CHIC2: variants seen among roughly 807,000 people sequenced by gnomAD.
CHIC2 encodes the protein cysteine rich hydrophobic domain 2, also known as cysteine-rich hydrophobic domain-containing protein 2.
In CHIC2, 14 loss-of-function variants were observed where a neutral mutation model predicts 25.9. The observed-to-expected ratio is 0.54, with a 90% CI of 0.36 to 0.85. CHIC2 has a LOEUF of 0.85. Among genes scored for constraint, CHIC2 ranks in the 40% least tolerant of loss-of-function variants. The probability of loss-of-function intolerance (pLI) is 0.01; values close to 1 mark genes in which losing one functional copy is unlikely to be tolerated. For missense variants in CHIC2, 146 were observed against 202.0 expected (o/e 0.72, Z 1.68); for synonymous variants, 70 against 72.0 (o/e 0.97, Z 0.14).
rs921544353 is a variant in CHIC2, at chr4:54,053,724, G to GT, written c.120-4420dup. Among the ~76,000 whole-genome samples, 9 of 151,208 alleles carry GT rather than the reference G, an allele frequency of 6.0e-5. No individual in the cohort carries two copies. The East Asian group carries it at 9.7e-4, about 16-fold the overall frequency. On this transcript the variant is annotated intron_variant, in intron 1 of 5. Transcript: ENST00000263921. ...GTATTAAAGACATTTTGTGTCATTT[G>GT]TTTTTTTTTAAATAAGAGCTATTTT...
At chr4:54,032,799 T>C (rs2110072545) in intron 3 of CHIC2, among the ~76,000 whole-genome samples, 1 of 152,330 alleles carries the variant, frequency 6.6e-6, no homozygotes, top group Admixed American at 6.5e-5. Flanking sequence ...GTAGGATAGA[T>C]TCTGCTCTGC....
At chr4:54,087,739 G>T in the CHIC2 span, 1 of 507,354 alleles carries the variant, frequency 2.0e-6, no homozygotes, top group East Asian at 3.2e-5. Context: ...TTTTACTGGC[G>T]GTGATTACAA....
Position 54,037,935 on chromosome 4 carries a change from AAAAG to A in CHIC2, c.330+11016_330+11019del, listed in dbSNP as rs201742082. On this transcript the variant is annotated intron_variant, in intron 3 of 5. Transcript: ENST00000263921. Reference sequence around the variant, plus strand: ...GAGCATTAAATGCTTATACAAGAAAAAAAGAAAAGACAAATCAATGACTTCTACC... The same window carrying A: ...GAGCATTAAATGCTTATACAAGAAAAAAAAGACAAATCAATGACTTCTACC... Among the ~76,000 whole-genome samples, 754 of 152,226 alleles carry A rather than the reference AAAAG, an allele frequency of 5.0e-3. 4 individuals carry two copies. Among genetic ancestry groups the A allele is most frequent in the African/African-American group, 0.017 (726 of 41,558 alleles).
chr4:54,020,693 ACCCTTCAATCTCCCTG>A (rs1715870869), intron 3 of CHIC2, among the ~76,000 whole-genome samples: 1 of 152,056 alleles, frequency 6.6e-6, no homozygotes, highest in African/African-American at 2.4e-5. Flanking sequence ...CTCTCTCGCT[ACCCTTCAATCTCCCTG>A]CCCTTCCAAT....
chr4:54,079,014 C>G, the CHIC2 span, among the ~76,000 whole-genome samples: 2 of 150,724 alleles, frequency 1.3e-5, no homozygotes, highest in Non-Finnish European at 3.0e-5. Flanking sequence ...GTCAGGAGTT[C>G]GAGACCAGCC....
chr4:54,055,080 G>A (rs758436276), intron 1 of CHIC2, among the ~76,000 whole-genome samples: 2 of 152,046 alleles, frequency 1.3e-5, no homozygotes, highest in African/African-American at 2.4e-5. Flanking sequence ...GTACCAAAAT[G>A]GTTGTATAAG....
At chr4:54,087,474 G>A in the CHIC2 span, 4 of 827,340 alleles carry the variant, frequency 4.8e-6, no homozygotes, top group Non-Finnish European at 7.1e-6. Flanking sequence ...ATTGTGACAA[G>A]AATAAAAGAA....
At chr4:54,011,118 T>A (rs576300906) in intron 5 of CHIC2, among the ~76,000 whole-genome samples, 1 of 152,164 alleles carries the variant, frequency 6.6e-6, no homozygotes. Flanking sequence ...CTAAGTCTAG[T>A]GAACTCATCA....
At chr4:54,029,014 T>C (rs928507281) in intron 3 of CHIC2, among the ~76,000 whole-genome samples, 1 of 151,826 alleles carries the variant, frequency 6.6e-6, no homozygotes, top group East Asian at 1.9e-4. Context: ...CCCCAGCTAC[T>C]CTGGAGGCTG....
chr4:54,027,636 A>G (rs1179151024), intron 3 of CHIC2, among the ~76,000 whole-genome samples: 2 of 152,192 alleles, frequency 1.3e-5, no homozygotes, highest in African/African-American at 2.4e-5. Context: ...TGGGGAAGAT[A>G]GTGAAGAAGG....
At chr4:54,021,266 G>A (rs149457060) in intron 3 of CHIC2, among the ~76,000 whole-genome samples, 38 of 152,098 alleles carry the variant, frequency 2.5e-4, no homozygotes, top group African/African-American at 8.9e-4. Context: ...ATGGGCAAAT[G>A]GTCTGAGGTG....
At chr4:54,042,356 T>C (rs1202544851) in intron 3 of CHIC2, among the ~76,000 whole-genome samples, 1 of 152,210 alleles carries the variant, frequency 6.6e-6, no homozygotes, top group Admixed American at 6.5e-5. Flanking sequence ...AAGTCAATCT[T>C]ACATCTCACA....
intron 3 of CHIC2, among the ~76,000 whole-genome samples, chr4:54,029,534 TCATTC>T (rs1469390003): frequency 2.6e-5 from 4 of 152,242 alleles, no homozygotes; most frequent in African/African-American, 9.6e-5. Flanking sequence ...AGACTACATT[TCATTC>T]ATCATTCCTT....
At chr4:54,013,993 C>A in intron 4 of CHIC2, 70 bp downstream of exon 4, 1 of 1,599,188 alleles carries the variant, frequency 6.3e-7, no homozygotes, top group Non-Finnish European at 8.6e-7. Context: ...TTTAGTTCAA[C>A]AAAAGCATCT....
At chr4:54,069,476 C>T (rs1480063838), upstream of CHIC2, among the ~76,000 whole-genome samples, 1 of 152,256 alleles carries the variant, frequency 6.6e-6, no homozygotes. Context: ...TCTTGTTCAT[C>T]TCCCTGTAAT....
At chr4:54,068,934 C>T (rs1302733580), upstream of CHIC2, among the ~76,000 whole-genome samples, 1 of 152,190 alleles carries the variant, frequency 6.6e-6, no homozygotes, top group East Asian at 1.9e-4. Flanking sequence ...TTTGTTAGAG[C>T]GGCTCACAGA....
intron 3 of CHIC2, among the ~76,000 whole-genome samples, chr4:54,033,216 CAT>C (rs1302124830): frequency 1.3e-5 from 2 of 152,148 alleles, no homozygotes; most frequent in African/African-American, 4.8e-5. Flanking sequence ...AACAGACTAA[CAT>C]AGTCTTTTTA....
chr4:54,041,485 G>A (rs1289512895), intron 3 of CHIC2, among the ~76,000 whole-genome samples: 1 of 152,102 alleles, frequency 6.6e-6, no homozygotes, highest in Non-Finnish European at 1.5e-5. Flanking sequence ...CTTAGGTTAT[G>A]AATGTATGCA....
upstream of CHIC2, among the ~76,000 whole-genome samples, chr4:54,068,255 C>T (rs1451432270): frequency 1.3e-5 from 2 of 152,074 alleles, no homozygotes; most frequent in African/African-American, 4.8e-5. Flanking sequence ...ATATCCTAGC[C>T]CTCAAGGTGA....
Sources: gnomAD v4.1 joint callset for allele counts (sites outside exome capture counted in the v4.1 genomes callset) on GRCh38, gnomAD v4.1.1 for gene constraint, MANE v1.5 for transcripts, NCBI Gene and HGNC (gene_info 2026-07-23, HGNC 2026-07-21) for gene names.